The following PHF14 variants were observed in gnomAD, a reference collection of about 807,000 sequenced individuals.
PHF14 encodes the protein PHD finger protein 14.
A neutral mutation model predicts 117.9 loss-of-function variants in PHF14; 55 were observed. That is an observed-to-expected ratio of 0.47 (90% CI 0.38 to 0.58). The LOEUF is 0.58. Among genes scored for constraint, PHF14 ranks in the 20% least tolerant of loss-of-function variants. PHF14 has a pLI of 0.00. For missense variants in PHF14, 978 were observed against 1,122.2 expected, an observed-to-expected ratio of 0.87 and a Z score of 1.84; for synonymous variants, 409 against 368.6, an observed-to-expected ratio of 1.11 and a Z score of -1.26.
intron 2 of PHF14, among the ~76,000 whole-genome samples, chr7:10,978,858 T>C (rs1034369226): frequency 1.3e-5 from 2 of 152,168 alleles, no homozygotes; most frequent in African/African-American, 4.8e-5. Flanking sequence ...CAAACCAAGA[T>C]GACATAGCTG....
intron 17 of PHF14, among the ~76,000 whole-genome samples, chr7:11,115,079 C>A (rs1012183350): frequency 6.6e-6 from 1 of 152,032 alleles, no homozygotes. Context: ...TATCTGGAAT[C>A]ATCCTCAAGC....
intron 4 of PHF14, chr7:11,006,341 C>CTT: frequency 2.9e-5 from 12 of 417,550 alleles, no homozygotes; most frequent in East Asian, 5.8e-5. Flanking sequence ...CATTTCTTTT[C>CTT]TTTTTTTTTC....
chr7:11,133,423 GC>G (rs1351842870), intron 17 of PHF14, among the ~76,000 whole-genome samples: 1 of 151,938 alleles, frequency 6.6e-6, no homozygotes, highest in Non-Finnish European at 1.5e-5. Flanking sequence ...ACTTGACAAT[GC>G]AGCAAAGGCA....
intron 5 of PHF14, among the ~76,000 whole-genome samples, chr7:11,014,647 G>A (rs955204262): frequency 2.0e-5 from 3 of 152,084 alleles, no homozygotes; most frequent in African/African-American, 4.8e-5. Context: ...AAGCCCCTCC[G>A]TTCTACGAGA....
chr7:11,018,902 T>C (rs1783625791), intron 5 of PHF14, among the ~76,000 whole-genome samples: 1 of 152,190 alleles, frequency 6.6e-6, no homozygotes, highest in South Asian at 2.1e-4. Flanking sequence ...TTTATTATGT[T>C]GAGGTATGTC....
chr7:11,016,615 G>A (rs1417369779), intron 5 of PHF14, among the ~76,000 whole-genome samples: 1 of 151,872 alleles, frequency 6.6e-6, no homozygotes, highest in Non-Finnish European at 1.5e-5. Flanking sequence ...CTATTTGTGG[G>A]TACATAGTAG....
rs184766740 is a variant in PHF14 at position 10,985,539 on chromosome 7, C to T, written c.900+2380C>T. On this transcript the variant is annotated intron_variant, in intron 3 of 17. Coordinates refer to ENST00000634607, the MANE Select transcript of PHF14 (RefSeq NM_001007157.2). ...ACTTGATATTTATTTTAGCAGGGCC[C>T]TTTTATAATTACTGCTCTTAATGGC... Among the ~76,000 whole-genome samples, 222 of 149,570 alleles carry T rather than the reference C, an allele frequency of 1.5e-3. 1 individual carries two copies. The highest frequency in any genetic ancestry group is 5.4e-3 in the African/African-American group (219 of 40,658).
chr7:11,106,845 T>C (rs967425918), intron 16 of PHF14: 3 of 983,846 alleles, frequency 3.0e-6, no homozygotes, highest in Admixed American at 1.2e-4. Flanking sequence ...ACAGACATAA[T>C]AGTCTATATT....
chr7:11,027,926 T>A (rs1424359412), intron 6 of PHF14, among the ~76,000 whole-genome samples: 1 of 152,156 alleles, frequency 6.6e-6, no homozygotes, highest in Admixed American at 6.5e-5. Flanking sequence ...TTAACTTGTC[T>A]TTACTTTAAT....
At chr7:11,107,475 T>A in intron 16 of PHF14, 2 of 827,846 alleles carry the variant, frequency 2.4e-6, no homozygotes, top group Non-Finnish European at 2.9e-6. Flanking sequence ...AAGAATCTAA[T>A]TAGGTTTGCT....
chr7:10,992,564 G>T (rs1186971080), intron 4 of PHF14, among the ~76,000 whole-genome samples: 3 of 151,984 alleles, frequency 2.0e-5, no homozygotes, highest in Non-Finnish European at 2.9e-5. Flanking sequence ...TCGAGAGGCT[G>T]AGGCAGGAGA....
At chr7:11,155,772 TG>T (rs1788826110) in intron 17 of PHF14, among the ~76,000 whole-genome samples, 3 of 151,712 alleles carry the variant, frequency 2.0e-5, no homozygotes, top group African/African-American at 7.3e-5. Flanking sequence ...GTTTTTTTTT[TG>T]TTTTTTTTTA....
chr7:11,092,542 C>G (rs1454460406), intron 16 of PHF14, among the ~76,000 whole-genome samples: 1 of 130,702 alleles, frequency 7.7e-6, no homozygotes, highest in Non-Finnish European at 1.6e-5. Context: ...AGGCCTGGAT[C>G]TCACTCTTGA....
intron 12 of PHF14, among the ~76,000 whole-genome samples, chr7:11,041,168 C>A (rs1784493394): frequency 6.6e-6 from 1 of 151,812 alleles, no homozygotes; most frequent in Non-Finnish European, 1.5e-5. Flanking sequence ...AATCTATTGC[C>A]TTTGTAGGCA....
intron 17 of PHF14, among the ~76,000 whole-genome samples, chr7:11,157,755 G>A (rs1222975041): frequency 6.6e-6 from 1 of 152,144 alleles, no homozygotes; most frequent in Non-Finnish European, 1.5e-5. Flanking sequence ...ATGACTGTAT[G>A]ATTCTACTAG....
intron 17 of PHF14, among the ~76,000 whole-genome samples, chr7:11,121,064 A>T (rs1172820483): frequency 6.6e-6 from 1 of 152,204 alleles, no homozygotes. Context: ...AGACAGTTGT[A>T]AGACAATTTA....
intron 14 of PHF14, among the ~76,000 whole-genome samples, chr7:11,055,677 C>A (rs1208241459): frequency 6.6e-6 from 1 of 152,266 alleles, no homozygotes; most frequent in East Asian, 1.9e-4. Context: ...CTAGCCAGTT[C>A]TAAGTGGCAG....
In PHF14 at chr7:11,059,092, A is replaced by T. The variant is rs1364290690; in HGVS notation, c.2482-2699A>T. On this transcript the variant is annotated intron_variant, in intron 14 of 17. Transcript: ENST00000634607. ...CTAATATATGAGAAGAAATTTATAA[A>T]TATAGAGAGAAATGGAGCTATACCA... Among the ~76,000 whole-genome samples the T allele has an allele frequency of 2.6e-5, 4 of 152,310 alleles. No homozygotes were observed. In the East Asian group the frequency reaches 7.7e-4, roughly 29 times the overall value.
Position 10,982,775 on chromosome 7 carries a change from T to TA in PHF14, c.517dup (p.Thr173AsnfsTer30), listed in dbSNP as rs1489161942. 1.2e-6 allele frequency: 2 copies of TA among 1,613,860 alleles called. No homozygotes were observed. Among genetic ancestry groups the TA allele is most frequent in the Non-Finnish European group, 1.7e-6 (2 of 1,179,860 alleles). ...CTTCTGTTCCCACTACGACAACCGCTACAGAGGAACAAGTCAGCGAGCCAA... is the reference window on the plus strand; with the variant it reads ...CTTCTGTTCCCACTACGACAACCGCTAACAGAGGAACAAGTCAGCGAGCCAA... On this transcript the variant is annotated frameshift_variant, in exon 3 of 18. Transcript: ENST00000634607. LOFTEE classifies it high-confidence loss of function.
Sources: gnomAD v4.1 joint callset for allele counts (sites outside exome capture counted in the v4.1 genomes callset) on GRCh38, gnomAD v4.1.1 for gene constraint, MANE v1.5 for transcripts, NCBI Gene and HGNC (gene_info 2026-07-23, HGNC 2026-07-21) for gene names.